NRG1: variants seen among roughly 807,000 people sequenced by gnomAD.
NRG1 encodes pro-neuregulin-1, membrane-bound isoform.
Under a neutral mutation model 63.8 loss-of-function variants are expected in NRG1, and 18 were observed. The observed-to-expected ratio is 0.28, with a 90% CI of 0.19 to 0.42. The LOEUF is 0.42. Among genes scored for constraint, NRG1 ranks in the 10% least tolerant of loss-of-function variants. The pLI, the probability that NRG1 is intolerant of heterozygous loss-of-function variation, is 1.00. For synonymous variants in NRG1, 302 were observed against 301.3 expected (o/e 1.00, Z -0.02); for missense variants, 762 against 814.7 (o/e 0.94, Z 0.79).
chr8:31,659,691 G>C (rs2130929004), intron 1 of NRG1, among the ~76,000 whole-genome samples: 1 of 152,274 alleles, frequency 6.6e-6, no homozygotes, highest in African/African-American at 2.4e-5. Flanking sequence ...AGGGCAGGGT[G>C]GTTGCTCAAA....
chr8:31,773,866 G>C (rs1185195165), intron 1 of NRG1, among the ~76,000 whole-genome samples: 2 of 152,034 alleles, frequency 1.3e-5, no homozygotes, highest in African/African-American at 4.8e-5. Flanking sequence ...CCATGTATCA[G>C]TTTTCTACCT....
chr8:32,134,741 C>T (rs993598591), intron 1 of NRG1, among the ~76,000 whole-genome samples: 20 of 152,098 alleles, frequency 1.3e-4, no homozygotes, highest in Middle Eastern at 3.4e-3. Flanking sequence ...TGAGGCCAGG[C>T]ACAGTGGCTC....
intron 1 of NRG1, among the ~76,000 whole-genome samples, chr8:32,421,771 C>G (rs1816726271): frequency 6.6e-6 from 1 of 152,032 alleles, no homozygotes; most frequent in Admixed American, 6.6e-5. Context: ...ATCTTTAAGG[C>G]AGGTGCCAGC....
chr8:32,526,694 C>T (rs1830880142), intron 1 of NRG1, among the ~76,000 whole-genome samples: 1 of 152,186 alleles, frequency 6.6e-6, no homozygotes, highest in Admixed American at 6.5e-5. Context: ...TTGCACAATC[C>T]AGTGAACTAT....
chr8:32,311,421 CAAG>C (rs935984182), intron 1 of NRG1, among the ~76,000 whole-genome samples: 10 of 152,080 alleles, frequency 6.6e-5, no homozygotes, highest in Admixed American at 5.2e-4. Flanking sequence ...AGTTCAAATG[CAAG>C]AAGGAGTCTA....
rs77001238 is a variant in NRG1 at position 31,928,352 on chromosome 8, T to TAAAAAAAAAAAAAAAAAAA, written c.37+288928_37+288946dup. Among the ~76,000 whole-genome samples the TAAAAAAAAAAAAAAAAAAA allele has an allele frequency of 3.7e-5, 3 of 80,102 alleles. 1 individual carries two copies. Among genetic ancestry groups the TAAAAAAAAAAAAAAAAAAA allele is most frequent in the African/African-American group, 1.5e-4 (3 of 20,198 alleles). 52.6% of individuals were successfully genotyped at this position (80,102 alleles called of 152,430 possible). Reference sequence around the variant, plus strand: ...AACATAGATTTTGGCATGGATGTGGTAAAAAAAAAAAAAAAAAAAAAAAAA... The same window carrying TAAAAAAAAAAAAAAAAAAA: ...AACATAGATTTTGGCATGGATGTGGTAAAAAAAAAAAAAAAAAAAAAAAAAAAAAAAAAAAAAAAAAAAA... On this transcript the variant is annotated intron_variant, in intron 1 of 10. Transcript: ENST00000519301.
At chr8:32,011,854 A>G (rs536699488) in intron 1 of NRG1, among the ~76,000 whole-genome samples, 36 of 152,194 alleles carry the variant, frequency 2.4e-4, no homozygotes, top group African/African-American at 8.7e-4. Context: ...TTTTATTCAT[A>G]GTTTGTGCTT....
At chr8:31,725,265 C>T (rs1209670448) in intron 1 of NRG1, among the ~76,000 whole-genome samples, 1 of 152,132 alleles carries the variant, frequency 6.6e-6, no homozygotes, top group East Asian at 1.9e-4. Context: ...ATTTACTGAG[C>T]TATCTAGGTG....
chr8:32,056,633 T>C (rs1310779364), intron 1 of NRG1, among the ~76,000 whole-genome samples: 1 of 152,144 alleles, frequency 6.6e-6, no homozygotes, highest in Non-Finnish European at 1.5e-5. Context: ...ATTTGTTTAA[T>C]CATATCCTTT....
At chr8:31,808,981 A>G (rs1251962195) in intron 1 of NRG1, among the ~76,000 whole-genome samples, 1 of 152,120 alleles carries the variant, frequency 6.6e-6, no homozygotes, top group East Asian at 1.9e-4. Context: ...GAGCAGTTAT[A>G]TATCTGAAAA....
intron 1 of NRG1, among the ~76,000 whole-genome samples, chr8:31,940,751 T>C (rs1801627037): frequency 6.6e-6 from 1 of 152,058 alleles, no homozygotes; most frequent in Admixed American, 6.6e-5. Flanking sequence ...CAAAAGATTA[T>C]TCAAGGCTAC....
intron 5 of NRG1, among the ~76,000 whole-genome samples, chr8:32,653,423 C>T (rs528739434): frequency 6.6e-6 from 1 of 151,624 alleles, no homozygotes; most frequent in East Asian, 1.9e-4. Flanking sequence ...TTTTCTTCTC[C>T]ATCTACCAAA....
At chr8:32,376,258 T>A (rs1809609534) in intron 1 of NRG1, among the ~76,000 whole-genome samples, 1 of 152,216 alleles carries the variant, frequency 6.6e-6, no homozygotes, top group African/African-American at 2.4e-5. Flanking sequence ...GAAAACAAAC[T>A]GTTATCCTAG....
At chr8:32,666,327 A>G (rs578229013) in intron 5 of NRG1, among the ~76,000 whole-genome samples, 4 of 152,172 alleles carry the variant, frequency 2.6e-5, no homozygotes, top group Non-Finnish European at 4.4e-5. Context: ...ACCCTGCCCT[A>G]TGAGGCCCTC....
At chr8:31,932,370 G>A (rs556422055) in intron 1 of NRG1, among the ~76,000 whole-genome samples, 9 of 152,236 alleles carry the variant, frequency 5.9e-5, no homozygotes, top group Non-Finnish European at 8.8e-5. Context: ...TCAGCTACCC[G>A]ACAATATTGT....
intron 1 of NRG1, among the ~76,000 whole-genome samples, chr8:31,736,396 C>T (rs897272509): frequency 6.6e-6 from 1 of 152,158 alleles, no homozygotes; most frequent in African/African-American, 2.4e-5. Flanking sequence ...GACATTCTTA[C>T]CTTGGCTTAT....
chr8:32,032,249 CT>C (rs921465601), intron 1 of NRG1, among the ~76,000 whole-genome samples: 17 of 148,982 alleles, frequency 1.1e-4, no homozygotes, highest in South Asian at 2.1e-4. Flanking sequence ...TGAATGTCTT[CT>C]TTTTTTTTTC....
intron 1 of NRG1, among the ~76,000 whole-genome samples, chr8:31,990,226 A>C (rs1489866716): frequency 6.6e-6 from 1 of 152,134 alleles, no homozygotes; most frequent in East Asian, 1.9e-4. Context: ...TAGAAACTAC[A>C]TCTCCAAATT....
At position 32,678,996 on chromosome 8, in the gene NRG1, A is replaced by T. The variant is rs183853832; in HGVS notation, c.503-48953A>T. 1.4e-4 allele frequency among the ~76,000 whole-genome samples: 21 copies of T among 150,480 alleles called. No homozygotes were observed. In the South Asian group the frequency reaches 1.5e-3, roughly 11 times the overall value. On this transcript the variant is annotated intron_variant, in intron 5 of 11. Coordinates refer to ENST00000356819, the Ensembl canonical transcript of NRG1. ...AAAATATAAGAAAAAGAATGGCATT[A>T]AAAAAAAAGTAGCCTGACTGGGTGC...
Sources: allele counts gnomAD v4.1 joint callset (sites outside exome capture counted in the v4.1 genomes callset), GRCh38; gene constraint gnomAD v4.1.1; transcripts MANE v1.5; gene names NCBI Gene and HGNC (gene_info 2026-07-23, HGNC 2026-07-21).